Variants in DMD observed in about 807,000 individuals in gnomAD.
DMD encodes the protein mutant dystrophin.
A neutral mutation model predicts 330.1 loss-of-function variants in DMD; 63 were observed. The ratio of observed to expected loss-of-function variants is 0.19; its 90% CI spans 0.16 to 0.24. The LOEUF is 0.24. Ranked by LOEUF, DMD falls within the 10% of genes least tolerant of loss-of-function variation. DMD has a pLI of 1.00. For missense variants in DMD, 3,344 were observed against 2,684.1 expected (o/e 1.25, Z -5.43); for synonymous variants, 1,223 against 959.8 (o/e 1.27, Z -5.07).
chrX:32,298,360 G>A (rs2097506134), intron 42 of DMD, among the ~76,000 whole-genome samples: 1 of 110,633 alleles, frequency 9.0e-6, no homozygotes, highest in South Asian at 3.8e-4. Flanking sequence ...AAGGCCTTAA[G>A]GATAACATGA....
At chrX:32,556,835 G>A (rs189439062) in intron 16 of DMD, among the ~76,000 whole-genome samples, 42 of 111,210 alleles carry the variant, frequency 3.8e-4, no homozygotes, top group Non-Finnish European at 5.9e-4. Context: ...TCAACTTCTT[G>A]CCTTTTGAGA....
chrX:32,067,771 G>A lies in DMD; in HGVS notation c.6439-99257C>T, dbSNP rs779765436. ...CAATCCAACGTTGACGGACACCTAT[G>A]TTGATCCCATTACTTTGCTATTGTG... is the stretch of plus-strand genomic sequence containing the variant. On this transcript the variant is annotated intron_variant, in intron 44 of 78. Coordinates refer to ENST00000357033, the MANE Select transcript of DMD (RefSeq NM_004006.3). 4.5e-5 allele frequency among the ~76,000 whole-genome samples: 5 copies of A among 112,088 alleles called. No homozygotes were observed. In the Admixed American group the frequency reaches 4.7e-4, roughly 11 times the overall value.
chrX:32,555,044 G>C (rs2050147719), intron 16 of DMD, among the ~76,000 whole-genome samples: 1 of 109,275 alleles, frequency 9.2e-6, no homozygotes, highest in South Asian at 4.2e-4. Context: ...GAACACTGAT[G>C]CAACAATTCT....
chrX:32,960,270 C>T (rs765899749), intron 2 of DMD: 4 of 111,209 alleles, frequency 3.6e-5, no homozygotes, highest in Non-Finnish European at 7.5e-5. Flanking sequence ...TCCACCAAGA[C>T]GCTCCCCTTG....
At chrX:32,112,365 T>C (rs994985177) in intron 44 of DMD, among the ~76,000 whole-genome samples, 4 of 111,626 alleles carry the variant, frequency 3.6e-5, no homozygotes, top group Non-Finnish European at 7.5e-5. Flanking sequence ...CTGATGTTGC[T>C]GGTCCAGCGA....
At chrX:32,544,075 C>T (rs1377170410) in intron 17 of DMD, among the ~76,000 whole-genome samples, 1 of 111,795 alleles carries the variant, frequency 8.9e-6, no homozygotes, top group South Asian at 3.7e-4. Flanking sequence ...ATGAGCCATA[C>T]CAAACTGGCA....
In DMD at chrX:33,246,466, G is replaced by A. The variant is rs1415358955; in HGVS notation, c.7+92793C>T. ...CATTTCTAATTCTTCTGCTCCCCAA[G>A]AGTCTTTGATATTATCTTTAGTGTG... On this transcript the variant is annotated intron_variant, in intron 1 of 17. Coordinates refer to the DMD transcript ENST00000288447. Among the ~76,000 whole-genome samples the A allele has an allele frequency of 1.8e-5, 2 of 111,321 alleles. 1 individual carries two copies. Among genetic ancestry groups the A allele is most frequent in the Admixed American group, 1.9e-4 (2 of 10,426 alleles).
At chrX:32,517,305 A>G (rs1021904540) in intron 18 of DMD, 2 of 112,311 alleles carry the variant, frequency 1.8e-5, no homozygotes, top group Non-Finnish European at 3.8e-5. Flanking sequence ...ATATACAAAG[A>G]TGCATGTTTT....
chrX:33,042,718 T>C (rs2094321726), intron 1 of DMD, among the ~76,000 whole-genome samples: 1 of 112,455 alleles, frequency 8.9e-6, no homozygotes, highest in African/African-American at 3.2e-5. Context: ...CTCTAATTAT[T>C]TGAGGTTTTT....
In DMD at chrX:32,008,060, A is replaced by T. The variant is rs188868124; in HGVS notation, c.6439-39546T>A. On this transcript the variant is annotated intron_variant, in intron 44 of 78. Coordinates refer to ENST00000357033, the MANE Select transcript of DMD (RefSeq NM_004006.3). Reference sequence around the variant, plus strand: ...AGACAGGTCATTACTACCGATCAAGATGATTTGCTACTGCCCATTTGAGAG... The same window carrying T: ...AGACAGGTCATTACTACCGATCAAGTTGATTTGCTACTGCCCATTTGAGAG... Among the ~76,000 whole-genome samples, 344 of 111,384 alleles carry T rather than the reference A, an allele frequency of 3.1e-3. 4 individuals carry two copies. Among genetic ancestry groups the T allele is most frequent in the African/African-American group, 0.011 (338 of 30,642 alleles).
chrX:32,633,158 T>C (rs1487878680), intron 11 of DMD, among the ~76,000 whole-genome samples: 1 of 112,110 alleles, frequency 8.9e-6, no homozygotes, highest in East Asian at 2.8e-4. Context: ...CCATCTTATT[T>C]CTTTGCTCCT....
At chrX:32,811,995 G>T (rs2077401795) in intron 6 of DMD, among the ~76,000 whole-genome samples, 1 of 111,733 alleles carries the variant, frequency 8.9e-6, no homozygotes, top group African/African-American at 3.2e-5. Flanking sequence ...CAAGTGGTGG[G>T]AGATAGGTTT....
chrX:31,662,537 T>C (rs1490100731), intron 53 of DMD, among the ~76,000 whole-genome samples: 1 of 112,381 alleles, frequency 8.9e-6, no homozygotes, highest in Admixed American at 9.4e-5. Context: ...CCTTTTAAAA[T>C]GTGTTTTGTG....
chrX:31,432,824 T>C (rs1226949686), intron 60 of DMD, among the ~76,000 whole-genome samples: 2 of 112,669 alleles, frequency 1.8e-5, no homozygotes, highest in Admixed American at 1.9e-4. Context: ...AAGTGGATAT[T>C]TTAAAAGCAA....
intron 19 of DMD, among the ~76,000 whole-genome samples, chrX:32,497,008 T>A (rs1457193422): frequency 8.9e-5 from 10 of 111,869 alleles, no homozygotes; most frequent in Non-Finnish European, 3.8e-5. Flanking sequence ...GCCATTAAAA[T>A]ATATGATTAG....
intron 21 of DMD, among the ~76,000 whole-genome samples, chrX:32,474,196 T>TATATACACACAC (rs1569564344): frequency 2.5e-5 from 1 of 39,746 alleles, no homozygotes; most frequent in Admixed American, 4.2e-4. Context: ...CCATCATATA[T>TATATACACACAC]ACATACATAC....
intron 44 of DMD, among the ~76,000 whole-genome samples, chrX:32,172,382 A>G (rs149325757): frequency 0.014 from 1,539 of 112,307 alleles, 30 homozygotes; most frequent in African/African-American, 0.044. Context: ...TGTCATTCAT[A>G]TTACATAGAA....
At chrX:32,782,178 C>T (rs1435113151) in intron 7 of DMD, among the ~76,000 whole-genome samples, 1 of 111,513 alleles carries the variant, frequency 9.0e-6, no homozygotes, top group Non-Finnish European at 1.9e-5. Flanking sequence ...TCTCCCTTAA[C>T]ATTAAAAAGG....
intron 9 of DMD, among the ~76,000 whole-genome samples, chrX:32,693,201 G>A (rs1391377136): frequency 9.0e-6 from 1 of 111,590 alleles, no homozygotes; most frequent in Non-Finnish European, 1.9e-5. Context: ...GCATGGAAAT[G>A]GATTCTCCTC....
Sources: gnomAD v4.1 joint callset for allele counts (sites outside exome capture counted in the v4.1 genomes callset) on GRCh38, gnomAD v4.1.1 for gene constraint, MANE v1.5 for transcripts, NCBI Gene and HGNC (gene_info 2026-07-23, HGNC 2026-07-21) for gene names.